The following GEMIN6 variants were observed in gnomAD, a reference collection of about 807,000 sequenced individuals.
GEMIN6 encodes gem nuclear organelle associated protein 6.
Under a neutral mutation model 14.1 loss-of-function variants are expected in GEMIN6, and 13 were observed. That is an observed-to-expected ratio of 0.92 (90% CI 0.60 to 1.46). The LOEUF (loss-of-function observed/expected upper bound fraction) is 1.46, where lower values mean the gene tolerates loss of function less well. Among genes scored for constraint, GEMIN6 ranks in the 40% most tolerant of loss-of-function variants. The probability of loss-of-function intolerance (pLI) is 0.00; values close to 1 mark genes in which losing one functional copy is unlikely to be tolerated. For missense variants in GEMIN6, 271 were observed against 202.4 expected, an observed-to-expected ratio of 1.34 and a Z score of -2.06; for synonymous variants, 87 against 70.0, an observed-to-expected ratio of 1.24 and a Z score of -1.21.
chr2:38,780,667 T>G (rs1669059949), intron 2 of GEMIN6, among the ~76,000 whole-genome samples: 2 of 151,722 alleles, frequency 1.3e-5, no homozygotes, highest in African/African-American at 2.4e-5. Flanking sequence ...CTTGCTCTGT[T>G]GCCCAGGCTG....
chr2:38,778,462 C>T (rs1669001626), intron 1 of GEMIN6, among the ~76,000 whole-genome samples, 181 bp downstream of exon 1: 3 of 152,214 alleles, frequency 2.0e-5, no homozygotes, highest in Admixed American at 2.0e-4. Flanking sequence ...ATCGGGGGAG[C>T]CTCTCGATGG....
rs768357043 is a variant in GEMIN6 at position 38,781,755 on chromosome 2, G to T, written c.367G>T (p.Ala123Ser). ...CATCCCCATCACTGAACAGGGAGACGCTCCAAGGACTCTCTGTGTGGCTGG... is the reference window on the plus strand; with the variant it reads ...CATCCCCATCACTGAACAGGGAGACTCTCCAAGGACTCTCTGTGTGGCTGG... ...NHIPITEQGD[A>S]PRTLCVAGVL... is the part of the protein sequence containing the mutation. Residue 123 changes from alanine (A) to serine (S), a missense_variant, in exon 3 of 3, where the codon GCT (alanine) becomes TCT (serine). Ala to Ser is a moderately conservative substitution (Grantham distance 99). Transcript: ENST00000281950. 3 of 1,614,124 alleles carry T rather than the reference G, an allele frequency of 1.9e-6. No homozygotes were observed. Among genetic ancestry groups the T allele is most frequent in the South Asian group, 2.2e-5 (2 of 91,080 alleles).
intron 2 of GEMIN6, among the ~76,000 whole-genome samples, chr2:38,780,145 C>T (rs964640741): frequency 1.3e-5 from 2 of 150,804 alleles, no homozygotes; most frequent in Non-Finnish European, 3.0e-5. Flanking sequence ...GGTGAAACCC[C>T]GTCTCTACTG....
Position 38,778,257 on chromosome 2 carries a change from A to C in GEMIN6, c.-44A>C, listed in dbSNP as rs1436426562. The C allele has an allele frequency of 1.3e-5, 2 of 152,178 alleles. No individual in the cohort carries two copies. Among genetic ancestry groups the C allele is most frequent in the Admixed American group, 1.3e-4 (2 of 15,254 alleles). The allele number at this position is 152,178 out of a possible 1,614,324, so 9.4% of individuals were successfully genotyped here. On this transcript the variant is annotated 5_prime_UTR_variant, in exon 1 of 3. Coordinates refer to ENST00000281950, the MANE Select transcript of GEMIN6 (RefSeq NM_024775.10). ...CTCAAAGCATGGTTGCTGAGTACCCAGAGTTGCGAGGAGTTTTTTAACTGG... is the reference window on the plus strand; with the variant it reads ...CTCAAAGCATGGTTGCTGAGTACCCCGAGTTGCGAGGAGTTTTTTAACTGG...
rs1669103690 is a variant in GEMIN6, at chr2:38,781,999, G to A, written c.*107G>A. On this transcript the variant is annotated 3_prime_UTR_variant, in exon 3 of 3. Coordinates refer to ENST00000281950, the MANE Select transcript of GEMIN6 (RefSeq NM_024775.10). Reference sequence around the variant, plus strand: ...ACTGTGTGTGTGTATGTGTGTGTGTGTATAATTCTTTGTTGTTTTGGTAAA... The same window carrying A: ...ACTGTGTGTGTGTATGTGTGTGTGTATATAATTCTTTGTTGTTTTGGTAAA... 7 of 1,101,398 alleles carry A rather than the reference G, an allele frequency of 6.4e-6. No homozygotes were observed. The East Asian group carries it at 7.2e-5, about 11-fold the overall frequency. 68.2% of individuals were successfully genotyped at this position (1,101,398 alleles called of 1,614,324 possible). A position where few individuals can be genotyped will look rare whatever the true frequency, so the allele number is the denominator to read the frequency against.
At chr2:38,778,905 T>G in intron 1 of GEMIN6, 67 bp from the exon 2 acceptor site, 12 of 1,349,132 alleles carry the variant, frequency 8.9e-6, no homozygotes, top group Non-Finnish European at 1.1e-5. Context: ...TAGGATAGGA[T>G]GGAGATTAGG....
At chr2:38,778,656 G>C (rs1669005583) in intron 1 of GEMIN6, among the ~76,000 whole-genome samples, 1 of 152,178 alleles carries the variant, frequency 6.6e-6, no homozygotes, top group African/African-American at 2.4e-5. Flanking sequence ...GATCGGAATA[G>C]ACCTGTGCCA....
Position 38,782,152 on chromosome 2 carries a change from C to CTTT in GEMIN6, c.*268_*270dup. 3.1e-6 allele frequency: 1 copy of CTTT among 323,150 alleles called. No homozygotes were observed. Among genetic ancestry groups the CTTT allele is most frequent in the African/African-American group, 2.2e-5 (1 of 45,144 alleles). The allele number at this position is 323,150 out of a possible 1,614,324, so 20.0% of individuals were successfully genotyped here. A position where few individuals can be genotyped will look rare whatever the true frequency, so the allele number is the denominator to read the frequency against. Reference sequence around the variant, plus strand: ...TATGGGTCTTCTTTTTTCTTTTTTTCTTTTTTTTTTGAGATGGAGTCTCGC... The same window carrying CTTT: ...TATGGGTCTTCTTTTTTCTTTTTTTCTTTTTTTTTTTTTGAGATGGAGTCTCGC... On this transcript the variant is annotated 3_prime_UTR_variant, in exon 3 of 3. Transcript: ENST00000281950.
At position 38,784,018 on chromosome 2, in the gene GEMIN6, C is replaced by T. The variant is rs938604828; in HGVS notation, c.*2126C>T. 6.6e-6 allele frequency: 1 copy of T among 152,266 alleles called. No homozygotes were observed. The highest frequency in any genetic ancestry group is 2.4e-5 in the African/African-American group (1 of 41,554). The allele number at this position is 152,266 out of a possible 1,614,324, so 9.4% of individuals were successfully genotyped here. On this transcript the variant is annotated 3_prime_UTR_variant, in exon 3 of 3. Transcript: ENST00000281950. ...AGATAATGATGTTACCGTTCCCAGA[C>T]CACACTTGCAGAAGCAGTTCAGAAA... is the stretch of plus-strand genomic sequence containing the variant.
chr2:38,782,276 T>TAC lies in GEMIN6; in HGVS notation c.*384_*385insAC. 1.2e-5 allele frequency: 2 copies of TAC among 165,580 alleles called. No homozygotes were observed. The highest frequency in any genetic ancestry group is 2.6e-5 in the Non-Finnish European group (2 of 77,086). 10.3% of individuals were successfully genotyped at this position (165,580 alleles called of 1,614,324 possible). On this transcript the variant is annotated 3_prime_UTR_variant, in exon 3 of 3. Transcript: ENST00000281950. ...CCCCTGCCTCAGCCTCTCGAGTAGCTGGGACTACAGGTGCACGCCACCACT... is the reference window on the plus strand; with the variant it reads ...CCCCTGCCTCAGCCTCTCGAGTAGCTACGGGACTACAGGTGCACGCCACCACT...
At position 38,782,473 on chromosome 2, in the gene GEMIN6, C is replaced by T. The variant is rs927923446; in HGVS notation, c.*581C>T. 1 of 151,656 alleles carries T rather than the reference C, an allele frequency of 6.6e-6. No individual in the cohort carries two copies. Among genetic ancestry groups the T allele is most frequent in the Non-Finnish European group, 1.5e-5 (1 of 68,006 alleles). 9.4% of individuals were successfully genotyped at this position (151,656 alleles called of 1,614,324 possible). A position where few individuals can be genotyped will look rare whatever the true frequency, so the allele number is the denominator to read the frequency against. On this transcript the variant is annotated 3_prime_UTR_variant, in exon 3 of 3. Coordinates refer to ENST00000281950, the MANE Select transcript of GEMIN6 (RefSeq NM_024775.10). ...GTAAGATCATGGTCTTGTTAAGTCT[C>T]TTCACTAACTGTATGTGTCTGTTTT...
At chr2:38,778,902 G>C (rs1669010994) in intron 1 of GEMIN6, 70 bp from the exon 2 acceptor site, 1 of 1,328,984 alleles carries the variant, frequency 7.5e-7, no homozygotes, top group East Asian at 2.4e-5. Context: ...CTCTAGGATA[G>C]GATGGAGATT....
chr2:38,781,865 T>A lies in GEMIN6; in HGVS notation c.477T>A (p.Ile159=), dbSNP rs1281364999. The stretch of plus-strand genomic sequence containing the variant: ...TTCTGTCGCGTGTTCAGGATCTTAT[T>A]GAAGGACATCTTACAGCTTCCCAAT... ...EIILSRVQDL[I]EGHLTASQ The change falls in exon 3 of 3, where the codon ATT becomes ATA. Residue 159 remains isoleucine (I), a synonymous_variant. Transcript: ENST00000281950. 2 of 1,609,958 alleles carry A rather than the reference T, an allele frequency of 1.2e-6. No individual in the cohort carries two copies. Among genetic ancestry groups the A allele is most frequent in the Non-Finnish European group, 1.7e-6 (2 of 1,177,262 alleles).
At position 38,778,988 on chromosome 2, in the gene GEMIN6, A is replaced by T. The variant is rs773842266; in HGVS notation, c.-3A>T. 1.2e-6 allele frequency: 2 copies of T among 1,608,958 alleles called. No homozygotes were observed. The highest frequency in any genetic ancestry group is 1.7e-6 in the Non-Finnish European group (2 of 1,178,118). On this transcript the variant is annotated 5_prime_UTR_variant, in exon 2 of 3. Transcript: ENST00000281950. ...TTGTTTCAGATTTAGCCAGGTGGCA[A>T]TCATGAGTGAATGGATGAAGAAAGG...
At chr2:38,779,427 C>T (rs111407733) in intron 2 of GEMIN6, 10 of 299,248 alleles carry the variant, frequency 3.3e-5, no homozygotes, top group Non-Finnish European at 6.6e-5. Flanking sequence ...GACGGGGCTT[C>T]GCCATGTTGC....
At chr2:38,779,220 A>G in intron 2 of GEMIN6, 102 bp downstream of exon 2, 2 of 1,217,872 alleles carry the variant, frequency 1.6e-6, no homozygotes, top group Non-Finnish European at 2.3e-6. Flanking sequence ...CTAATTATTA[A>G]TATTTTCATA....
At chr2:38,779,645 TATATATATATATATATATA>T (rs1397827105) in intron 2 of GEMIN6, among the ~76,000 whole-genome samples, 1 of 28,436 alleles carries the variant, frequency 3.5e-5, no homozygotes, top group Admixed American at 3.2e-4. Flanking sequence ...ACTATATATA[TATATATATATATATATATA>T]TTTTTTTTTT....
intron 2 of GEMIN6, among the ~76,000 whole-genome samples, chr2:38,779,635 A>AATATATAT (rs1413852966): frequency 2.1e-5 from 1 of 48,034 alleles, no homozygotes; most frequent in African/African-American, 8.4e-5. Flanking sequence ...AATTATTCTT[A>AATATATAT]CTATATATAT....
At chr2:38,781,160 G>T (rs1160287336) in intron 2 of GEMIN6, among the ~76,000 whole-genome samples, 6 of 150,958 alleles carry the variant, frequency 4.0e-5, no homozygotes, top group African/African-American at 1.5e-4. Context: ...TAGGGATTGG[G>T]TTTCACCATC....
Sources: gnomAD v4.1 joint callset for allele counts (sites outside exome capture counted in the v4.1 genomes callset) on GRCh38, gnomAD v4.1.1 for gene constraint, MANE v1.5 for transcripts, NCBI Gene and HGNC (gene_info 2026-07-23, HGNC 2026-07-21) for gene names.